The following EML1 variants were observed in gnomAD, a reference collection of about 807,000 sequenced individuals.
EML1 encodes echinoderm microtubule-associated protein-like 1.
In EML1, 27 loss-of-function variants were observed where a neutral mutation model predicts 110.4. The ratio of observed to expected loss-of-function variants is 0.24; its 90% CI spans 0.18 to 0.34. The LOEUF is 0.34. Ranked by LOEUF, EML1 falls within the 10% of genes least tolerant of loss-of-function variation. The probability of loss-of-function intolerance (pLI) is 1.00; values close to 1 mark genes in which losing one functional copy is unlikely to be tolerated. For missense variants in EML1, 741 were observed against 1,030.9 expected, an observed-to-expected ratio of 0.72 and a Z score of 3.85; for synonymous variants, 344 against 385.8, an observed-to-expected ratio of 0.89 and a Z score of 1.27.
intron 1 of EML1, 81 bp from the exon 2 acceptor site, chr14:99,850,772 A>G: frequency 6.8e-7 from 1 of 1,477,854 alleles, no homozygotes; most frequent in South Asian, 1.3e-5. Context: ...TGGGCTTAAA[A>G]CAGCATGCTA....
At chr14:99,911,689 C>T in intron 13 of EML1, 113 bp downstream of exon 13, 3 of 1,165,990 alleles carry the variant, frequency 2.6e-6, no homozygotes, top group Non-Finnish European at 3.6e-6. Context: ...GGTGAAATCA[C>T]ATTATATGGG....
intron 1 of EML1, among the ~76,000 whole-genome samples, chr14:99,803,381 A>G (rs995181465): frequency 6.6e-6 from 1 of 152,238 alleles, no homozygotes; most frequent in African/African-American, 2.4e-5. Context: ...ATACCTGCGT[A>G]TCTACGTGCA....
intron 2 of EML1, among the ~76,000 whole-genome samples, chr14:99,857,974 G>T (rs74676812): frequency 1.3e-5 from 2 of 152,198 alleles, no homozygotes; most frequent in East Asian, 3.9e-4. Context: ...TGGTACAATG[G>T]ACAGCCCCAT....
In EML1 at chr14:99,939,321, G is replaced by A; in HGVS notation, c.2316G>A (p.Gln772=). 6.2e-7 allele frequency: 1 copy of A among 1,614,208 alleles called. No homozygotes were observed. Among genetic ancestry groups the A allele is most frequent in the Non-Finnish European group, 8.5e-7 (1 of 1,180,026 alleles). ...KVHLFSYPCS[Q]FRAPSHIYGG... ...ACCTCTTCTCATACCCCTGCTCGCA[G>A]TTCAGGGTAAAGGACTTGTTTCTTC... The change falls in exon 21 of 22, where the codon CAG becomes CAA. Residue 772 remains glutamine (Q), a synonymous_variant. Coordinates refer to ENST00000262233, the MANE Select transcript of EML1 (RefSeq NM_004434.3). This position sits in a 1 kb window ranked among gnomAD's most constrained non-coding sequence, Gnocchi z 4.2.
chr14:99,758,166 A>T (rs1234307074), intron 1 of EML1, among the ~76,000 whole-genome samples: 1 of 152,230 alleles, frequency 6.6e-6, no homozygotes, highest in East Asian at 1.9e-4. Context: ...CTGGGAAAAC[A>T]TGCTGTCTCA....
intron 5 of EML1, 158 bp from the exon 6 acceptor site, chr14:99,894,471 G>C (rs946671967): frequency 2.4e-5 from 23 of 959,154 alleles, no homozygotes; most frequent in African/African-American, 8.5e-5. Flanking sequence ...GTTTCAAACT[G>C]TTTATTTTTA....
chr14:99,772,779 A>G (rs1300993261), upstream of EML1, among the ~76,000 whole-genome samples: 1 of 152,204 alleles, frequency 6.6e-6, no homozygotes, highest in African/African-American at 2.4e-5. Flanking sequence ...ACAACATTTC[A>G]TTTGAACAAT....
chr14:99,849,054 A>G (rs1025242710), intron 1 of EML1, among the ~76,000 whole-genome samples: 9 of 152,054 alleles, frequency 5.9e-5, no homozygotes, highest in Admixed American at 6.6e-5. Flanking sequence ...GGTATTTATC[A>G]TTTCCAGTGC....
At chr14:99,848,205 G>A (rs1006975483) in intron 1 of EML1, among the ~76,000 whole-genome samples, 8 of 151,882 alleles carry the variant, frequency 5.3e-5, no homozygotes, top group Non-Finnish European at 8.8e-5. Flanking sequence ...CATTTATGAG[G>A]GATCACAATA....
chr14:99,878,833 ACTGT>A (rs55988713), intron 4 of EML1, among the ~76,000 whole-genome samples: 40,316 of 151,782 alleles, frequency 0.27, 5,825 homozygotes, highest in Non-Finnish European at 0.32. Flanking sequence ...AGGTGGAAAA[ACTGT>A]CACTCAGATT....
intron 17 of EML1, among the ~76,000 whole-genome samples, chr14:99,926,591 A>AT (rs928675206): frequency 2.7e-5 from 4 of 148,002 alleles, no homozygotes; most frequent in East Asian, 2.0e-4. Context: ...GGCAGCTCTT[A>AT]TTTTTTTTAA....
intron 1 of EML1, among the ~76,000 whole-genome samples, chr14:99,798,012 T>A (rs1392382275): frequency 6.6e-6 from 1 of 152,178 alleles, no homozygotes; most frequent in Non-Finnish European, 1.5e-5. Flanking sequence ...TGCATGAGCA[T>A]TTTCAAGAGA....
intron 4 of EML1, among the ~76,000 whole-genome samples, chr14:99,888,435 A>G (rs754746835): frequency 7.2e-5 from 11 of 152,246 alleles, no homozygotes; most frequent in Non-Finnish European, 1.3e-4. Context: ...GTCATGATAA[A>G]AAAATAGTTT....
chr14:99,935,806 T>C (rs949150830), intron 17 of EML1, among the ~76,000 whole-genome samples: 2 of 129,554 alleles, frequency 1.5e-5, no homozygotes, highest in Non-Finnish European at 3.2e-5. Flanking sequence ...AAAAAAAAAA[T>C]TATAAACCTT....
intron 4 of EML1, among the ~76,000 whole-genome samples, chr14:99,882,270 T>C (rs1328076099): frequency 1.3e-5 from 2 of 152,202 alleles, no homozygotes; most frequent in African/African-American, 2.4e-5. Context: ...CTGATGGAGA[T>C]ATTTTTCAAT....
At chr14:99,877,491 A>G (rs958202845) in intron 3 of EML1, among the ~76,000 whole-genome samples, 1 of 152,118 alleles carries the variant, frequency 6.6e-6, no homozygotes. Context: ...CTGTGTCATA[A>G]CAACACATTC....
At chr14:99,897,060 A>G in intron 6 of EML1, 85 bp from the exon 7 acceptor site, 1 of 1,265,172 alleles carries the variant, frequency 7.9e-7, no homozygotes, top group Non-Finnish European at 1.1e-6. Flanking sequence ...GTTATATGGT[A>G]TTTTATTGCC....
chr14:99,746,057 C>A (rs12437274), intron 1 of EML1, among the ~76,000 whole-genome samples: 18,716 of 152,222 alleles, frequency 0.12, 1,151 homozygotes, highest in East Asian at 0.22. Flanking sequence ...TGGCGGCTCC[C>A]CCTCCCCTAG....
chr14:99,768,081 AC>A (rs2057385300), upstream of EML1, among the ~76,000 whole-genome samples: 1 of 152,016 alleles, frequency 6.6e-6, no homozygotes, highest in East Asian at 1.9e-4. Flanking sequence ...ATTTGAAGTC[AC>A]TCCTTCGACT....
Sources: allele counts gnomAD v4.1 joint callset (sites outside exome capture counted in the v4.1 genomes callset), GRCh38; gene constraint gnomAD v4.1.1; non-coding constraint Gnocchi (gnomAD v3.1); transcripts MANE v1.5; gene names NCBI Gene and HGNC (gene_info 2026-07-23, HGNC 2026-07-21).